NEK1: variants seen among roughly 807,000 people sequenced by gnomAD.
NEK1 encodes the protein serine/threonine-protein kinase Nek1.
Under a neutral mutation model 182.1 loss-of-function variants are expected in NEK1, and 137 were observed. The observed-to-expected ratio is 0.75, with a 90% CI of 0.65 to 0.87. NEK1 has a LOEUF of 0.87. Ranked by LOEUF, NEK1 falls within the 40% of genes least tolerant of loss-of-function variation. The pLI is 0.00. For missense variants in NEK1, 1,391 were observed against 1,494.4 expected, an observed-to-expected ratio of 0.93 and a Z score of 1.14; for synonymous variants, 513 against 492.2, an observed-to-expected ratio of 1.04 and a Z score of -0.56.
chr4:169,593,921 G>A lies in NEK1; in HGVS notation c.313-3112C>T, dbSNP rs569405519. 3.9e-3 allele frequency among the ~76,000 whole-genome samples: 597 copies of A among 151,624 alleles called. 5 individuals carry two copies. Among genetic ancestry groups the A allele is most frequent in the South Asian group, 0.028 (136 of 4,784 alleles). ...GGAGAATGGCGTGAACCCGGGAGACGGAGCTTGCAGTGAGCCGAGATCGCA... is the reference window on the plus strand; with the variant it reads ...GGAGAATGGCGTGAACCCGGGAGACAGAGCTTGCAGTGAGCCGAGATCGCA... On this transcript the variant is annotated intron_variant, in intron 5 of 35. Coordinates refer to ENST00000507142, the MANE Select transcript of NEK1 (RefSeq NM_001199397.3).
chr4:169,523,004 C>A (rs1756339768), intron 19 of NEK1, among the ~76,000 whole-genome samples: 1 of 152,166 alleles, frequency 6.6e-6, no homozygotes, highest in Admixed American at 6.5e-5. Context: ...AGCCAGCTCA[C>A]CTTCTTTCTG....
At chr4:169,403,699 C>T (rs1486668223) in intron 32 of NEK1, among the ~76,000 whole-genome samples, 2 of 152,084 alleles carry the variant, frequency 1.3e-5, no homozygotes, top group Non-Finnish European at 2.9e-5. Context: ...AATTAGTACC[C>T]TCTGCAGATG....
rs1579242013 is a variant in NEK1 at position 169,394,485 on chromosome 4, TGAG to T, written c.*22_*24del. 1 of 1,353,528 alleles carries T rather than the reference TGAG, an allele frequency of 7.4e-7. No individual in the cohort carries two copies. Among genetic ancestry groups the T allele is most frequent in the Non-Finnish European group, 1.0e-6 (1 of 966,520 alleles). The allele number at this position is 1,353,528 out of a possible 1,614,324, so 83.8% of individuals were successfully genotyped here. A position where few individuals can be genotyped will look rare whatever the true frequency, so the allele number is the denominator to read the frequency against. ...CCAAATTCAAATGCTTTCATATAGT[TGAG>T]GATTAAAAAACATTTTGAGGATTAT... On this transcript the variant is annotated 3_prime_UTR_variant, in exon 36 of 36. Coordinates refer to ENST00000507142, the MANE Select transcript of NEK1 (RefSeq NM_001199397.3).
Position 169,572,578 on chromosome 4 carries a change from G to A in NEK1, c.1020+4350C>T, listed in dbSNP as rs563738842. Reference sequence around the variant, plus strand: ...ATAGATGTTATCCATTAGAAAGTTCGTATGGATACAAAAAAGAAGATATCT... The same window carrying A: ...ATAGATGTTATCCATTAGAAAGTTCATATGGATACAAAAAAGAAGATATCT... On this transcript the variant is annotated intron_variant, in intron 12 of 35. Coordinates refer to ENST00000507142, the MANE Select transcript of NEK1 (RefSeq NM_001199397.3). Among the ~76,000 whole-genome samples the A allele has an allele frequency of 9.9e-5, 15 of 152,226 alleles. No homozygotes were observed. In the South Asian group the frequency reaches 1.2e-3, roughly 13 times the overall value.
At chr4:169,452,107 G>C (rs1741913424) in intron 27 of NEK1, among the ~76,000 whole-genome samples, 1 of 152,252 alleles carries the variant, frequency 6.6e-6, no homozygotes, top group East Asian at 1.9e-4. Context: ...ACTCTCCCAA[G>C]ACTAAACCAG....
At chr4:169,466,943 T>A (rs1378022457) in intron 26 of NEK1, among the ~76,000 whole-genome samples, 1 of 151,834 alleles carries the variant, frequency 6.6e-6, no homozygotes, top group African/African-American at 2.4e-5. Flanking sequence ...GATGCCAGGG[T>A]TCACTTATAA....
intron 6 of NEK1, 73 bp downstream of exon 6, chr4:169,590,653 A>G: frequency 9.2e-7 from 1 of 1,082,722 alleles, no homozygotes; most frequent in South Asian, 1.5e-5. Context: ...CAGGTTCAAA[A>G]ATTTTTGGCC....
At chr4:169,472,634 T>C (rs1363638015) in intron 26 of NEK1, among the ~76,000 whole-genome samples, 2 of 152,238 alleles carry the variant, frequency 1.3e-5, no homozygotes, top group Non-Finnish European at 2.9e-5. Flanking sequence ...TTTGCCTCCA[T>C]GCATCCTTTC....
chr4:169,607,953 C>T (rs149595802), intron 2 of NEK1, among the ~76,000 whole-genome samples: 10 of 151,882 alleles, frequency 6.6e-5, no homozygotes, highest in African/African-American at 9.7e-5. Context: ...CAACACACAC[C>T]GGGATGGGGG....
intron 12 of NEK1, among the ~76,000 whole-genome samples, chr4:169,575,451 C>T (rs1032249963): frequency 2.1e-4 from 32 of 152,244 alleles, no homozygotes; most frequent in African/African-American, 7.2e-4. Context: ...AACAGCAGCA[C>T]TCACCCCTAC....
chr4:169,406,932 G>C (rs1035382895), intron 31 of NEK1, among the ~76,000 whole-genome samples, 185 bp from the exon 32 acceptor site: 1 of 151,584 alleles, frequency 6.6e-6, no homozygotes, highest in Non-Finnish European at 1.5e-5. Flanking sequence ...TTTAGAGCTA[G>C]AGGATCCAAA....
Position 169,424,543 on chromosome 4 carries a change from C to A in NEK1, c.3222+10G>T. 6.4e-7 allele frequency: 1 copy of A among 1,567,428 alleles called. No individual in the cohort carries two copies. Among genetic ancestry groups the A allele is most frequent in the Non-Finnish European group, 8.7e-7 (1 of 1,153,276 alleles). On this transcript the variant is annotated intron_variant, in intron 31 of 35. Coordinates refer to ENST00000507142, the MANE Select transcript of NEK1 (RefSeq NM_001199397.3). ...ATGGATAATATTTTCCACTTGAGGA[C>A]CATACTTGCCTTTGGGTTGTTTGCA...
At position 169,599,170 on chromosome 4, in the gene NEK1, T is replaced by A; in HGVS notation, c.242A>T (p.Asp81Val). The A allele has an allele frequency of 6.2e-7, 1 of 1,613,052 alleles. No homozygotes were observed. Among genetic ancestry groups the A allele is most frequent in the South Asian group, 1.1e-5 (1 of 91,032 alleles). Residue 81 changes from aspartate (D) to valine (V), a missense_variant, in exon 5 of 36, where the codon GAT (aspartate) becomes GTT (valine). Coordinates refer to ENST00000507142, the MANE Select transcript of NEK1 (RefSeq NM_001199397.3). ...EENGSLYIVM[D>V]YCEGGDLFKR... ...AAACAGATCCCCTCCCTCACAGTAA[T>A]CCATTACTATGTAGAGAGAGCCATT...
intron 19 of NEK1, 88 bp from the exon 20 acceptor site, chr4:169,508,940 C>T (rs1753756950): frequency 8.9e-7 from 1 of 1,119,090 alleles, no homozygotes; most frequent in African/African-American, 1.6e-5. Context: ...TACTTTATTT[C>T]TTTTGGCAAA....
intron 23 of NEK1, among the ~76,000 whole-genome samples, chr4:169,496,913 C>T (rs1751423639): frequency 6.6e-6 from 1 of 152,122 alleles, no homozygotes; most frequent in Non-Finnish European, 1.5e-5. Flanking sequence ...ATGATGTTGG[C>T]CTCATAAAAT....
chr4:169,588,306 G>A (rs1767861356), intron 8 of NEK1, among the ~76,000 whole-genome samples: 2 of 152,088 alleles, frequency 1.3e-5, no homozygotes, highest in African/African-American at 4.8e-5. Flanking sequence ...TGAAGACTAA[G>A]AGAATACCTA....
chr4:169,581,006 G>T, intron 10 of NEK1, 104 bp from the exon 11 acceptor site: 2 of 408,464 alleles, frequency 4.9e-6, no homozygotes, highest in Admixed American at 4.9e-5. Flanking sequence ...TAGTAATTAT[G>T]CTGCCAAATA....
At chr4:169,426,365 A>G (rs1561166733) in intron 29 of NEK1, 131 bp from the exon 30 acceptor site, 1 of 687,474 alleles carries the variant, frequency 1.5e-6, no homozygotes, top group Non-Finnish European at 2.5e-6. Flanking sequence ...TATTTTTCTC[A>G]CTTTCATATA....
At chr4:169,561,155 C>A (rs1039281523) in intron 16 of NEK1, among the ~76,000 whole-genome samples, 1 of 152,058 alleles carries the variant, frequency 6.6e-6, no homozygotes, top group Admixed American at 6.5e-5. Context: ...ATCTTCAAGG[C>A]TACATGAAAT....
Sources: gnomAD v4.1 joint callset for allele counts (sites outside exome capture counted in the v4.1 genomes callset) on GRCh38, gnomAD v4.1.1 for gene constraint, MANE v1.5 for transcripts, NCBI Gene and HGNC (gene_info 2026-07-23, HGNC 2026-07-21) for gene names.